ANK3: variants seen among roughly 807,000 people sequenced by gnomAD.
The protein encoded by ANK3 is ankyrin-3.
In ANK3, 57 loss-of-function variants were observed where a neutral mutation model predicts 370.9. That is an observed-to-expected ratio of 0.15 (90% confidence interval 0.12 to 0.19). The LOEUF (loss-of-function observed/expected upper bound fraction) is 0.19, where lower values mean the gene tolerates loss of function less well. Among genes scored for constraint, ANK3 ranks in the 10% least tolerant of loss-of-function variants. The pLI is 1.00. For synonymous variants in ANK3, 1,929 were observed against 1,946.3 expected, an observed-to-expected ratio of 0.99 and a Z score of 0.23; for missense variants, 4,439 against 5,302.1, an observed-to-expected ratio of 0.84 and a Z score of 5.06.
rs182874950 is a variant in ANK3, at chr10:60,592,197, A to G, written c.96+22989T>C. On this transcript the variant is annotated intron_variant, in intron 2 of 43. Coordinates refer to the ANK3 transcript ENST00000373827. The stretch of plus-strand genomic sequence containing the variant: ...AACATCTCATGTACCCCATAAATAT[A>G]TACACCTATTATGTACCCACAAGCT... 1.4e-4 allele frequency among the ~76,000 whole-genome samples: 21 copies of G among 152,282 alleles called. No individual in the cohort carries two copies. The East Asian group carries it at 4.1e-3, about 29-fold the overall frequency.
chr10:60,547,210 C>G (rs1484123286), intron 2 of ANK3, among the ~76,000 whole-genome samples: 2 of 151,176 alleles, frequency 1.3e-5, no homozygotes, highest in African/African-American at 4.9e-5. Flanking sequence ...CCTGCCTCAG[C>G]CTTCTGAGTA....
At chr10:60,234,624 A>G in intron 8 of ANK3, 64 bp downstream of exon 8, 3 of 950,236 alleles carry the variant, frequency 3.2e-6, no homozygotes, top group Non-Finnish European at 3.4e-6. Flanking sequence ...GTGCAAAGGT[A>G]TCAGGAAAAG....
intron 1 of ANK3, among the ~76,000 whole-genome samples, chr10:60,347,626 T>A (rs2055890556): frequency 2.0e-5 from 3 of 152,052 alleles, no homozygotes; most frequent in Admixed American, 2.0e-4. Flanking sequence ...CAATAAATGG[T>A]AATGAATGAA....
chr10:60,215,684 C>T (rs116828743), intron 8 of ANK3, among the ~76,000 whole-genome samples: 3,310 of 151,958 alleles, frequency 0.022, 102 homozygotes, highest in African/African-American at 0.072. Context: ...TCTGAGGTCT[C>T]CGTTCTGCTC....
intron 2 of ANK3, among the ~76,000 whole-genome samples, chr10:60,567,888 T>C (rs927177200): frequency 6.6e-6 from 1 of 152,106 alleles, no homozygotes; most frequent in Non-Finnish European, 1.5e-5. Context: ...GTGGTGGAAA[T>C]AGCAAGAGAG....
chr10:60,124,859 C>T (rs1333852152), intron 25 of ANK3, among the ~76,000 whole-genome samples: 1 of 152,156 alleles, frequency 6.6e-6, no homozygotes, highest in Non-Finnish European at 1.5e-5. Flanking sequence ...CTAGTCTCCT[C>T]GTCTGTAAAG....
chr10:60,373,095 T>C (rs2060324367), intron 1 of ANK3, among the ~76,000 whole-genome samples: 1 of 152,250 alleles, frequency 6.6e-6, no homozygotes. Flanking sequence ...AATATTTTAG[T>C]TACATAACTT....
chr10:60,139,163 T>C (rs2094465846), intron 23 of ANK3, 76 bp from the exon 24 acceptor site: 1 of 1,548,214 alleles, frequency 6.5e-7, no homozygotes, highest in Non-Finnish European at 8.7e-7. Context: ...ATCACTCCTT[T>C]GGTTATCAGC....
In ANK3 at chr10:60,036,400, C is replaced by T. The variant is rs372253959; in HGVS notation, c.*19+6272G>A. Among the ~76,000 whole-genome samples, 51 of 133,110 alleles carry T rather than the reference C, an allele frequency of 3.8e-4. No homozygotes were observed. The East Asian group carries it at 5.9e-3, about 15-fold the overall frequency. 87.3% of individuals were successfully genotyped at this position (133,110 alleles called of 152,430 possible). On this transcript the variant is annotated intron_variant, in intron 43 of 43. Transcript: ENST00000280772. ...AAGGAGGGTCATGGTTGGAGCTCTGCGGAAGAGAGAGGTCAGAGGCAATTT... is the reference window on the plus strand; with the variant it reads ...AAGGAGGGTCATGGTTGGAGCTCTGTGGAAGAGAGAGGTCAGAGGCAATTT...
intron 34 of ANK3, 154 bp downstream of exon 34, chr10:60,082,461 A>C (rs2085507936): frequency 9.6e-7 from 1 of 1,040,344 alleles, no homozygotes; most frequent in Non-Finnish European, 1.4e-6. Context: ...ATTTGACACC[A>C]CATTAACAAG....
At chr10:60,526,713 A>T (rs975661523) in intron 2 of ANK3, among the ~76,000 whole-genome samples, 2 of 152,174 alleles carry the variant, frequency 1.3e-5, no homozygotes, top group Non-Finnish European at 2.9e-5. Context: ...TGGAAAAGAA[A>T]TGAGAGACCC....
intron 2 of ANK3, among the ~76,000 whole-genome samples, chr10:60,500,231 G>A (rs976923940): frequency 1.4e-4 from 21 of 151,934 alleles, no homozygotes; most frequent in Admixed American, 3.9e-4. Flanking sequence ...TCCCCAAATC[G>A]GCCTTACTAA....
At chr10:60,282,351 T>C (rs1399200960) in intron 1 of ANK3, among the ~76,000 whole-genome samples, 1 of 152,214 alleles carries the variant, frequency 6.6e-6, no homozygotes, top group African/African-American at 2.4e-5. Flanking sequence ...CATTTTGCTC[T>C]CAAGTTTCCT....
At chr10:60,316,225 C>T (rs34098396) in intron 1 of ANK3, among the ~76,000 whole-genome samples, 3,625 of 152,192 alleles carry the variant, frequency 0.024, 66 homozygotes, top group Non-Finnish European at 0.036. Flanking sequence ...GCCTGGTGCT[C>T]GCCCTGTGAA....
rs75949141 is a variant in ANK3, at chr10:60,649,158, A to G, written c.58-33934T>C. Among the ~76,000 whole-genome samples the G allele has an allele frequency of 2.0e-3, 306 of 152,294 alleles. 1 individual carries two copies. The highest frequency in any genetic ancestry group is 7.0e-3 in the African/African-American group (290 of 41,564). On this transcript the variant is annotated intron_variant, in intron 1 of 43. Transcript: ENST00000373827. Reference sequence around the variant, plus strand: ...AACATAGCTTCCCAGTTACTAAGAGAGAGCATTTTGCTTCTTGGATTGCCA... The same window carrying G: ...AACATAGCTTCCCAGTTACTAAGAGGGAGCATTTTGCTTCTTGGATTGCCA...
Position 60,065,229 on chromosome 10 carries a change from CAG to C in ANK3, c.12320-943_12320-942del, listed in dbSNP as rs1189260927. On this transcript the variant is annotated intron_variant, in intron 38 of 43. Transcript: ENST00000280772. ...TACTCATATTCAATCTTGTAAATTGCAGAGTGTCTTTGGAAAGATACATATGA... is the reference window on the plus strand; with the variant it reads ...TACTCATATTCAATCTTGTAAATTGCAGTGTCTTTGGAAAGATACATATGA... 7.2e-5 allele frequency among the ~76,000 whole-genome samples: 11 copies of C among 152,196 alleles called. 1 individual carries two copies. Among genetic ancestry groups the C allele is most frequent in the Admixed American group, 7.2e-4 (11 of 15,286 alleles).
chr10:60,573,745 A>C (rs180900944), intron 2 of ANK3, among the ~76,000 whole-genome samples: 1 of 152,346 alleles, frequency 6.6e-6, no homozygotes, highest in African/African-American at 2.4e-5. Context: ...TTCTAGGAGC[A>C]ACCACAGACA....
intron 2 of ANK3, among the ~76,000 whole-genome samples, chr10:60,577,958 C>T (rs1179411306): frequency 6.6e-5 from 10 of 152,104 alleles, no homozygotes; most frequent in Non-Finnish European, 1.3e-4. Context: ...TCCAACCCAT[C>T]CTCAAATATC....
chr10:60,243,419 C>A lies in ANK3; in HGVS notation c.799-8633G>T, dbSNP rs375414915. On this transcript the variant is annotated intron_variant, in intron 7 of 43. Coordinates refer to ENST00000280772, the MANE Select transcript of ANK3 (RefSeq NM_020987.5). ...GGCTTTATAAGAAGAGGAGAAAGAC[C>A]TGAACTGGACATGCATACTCTTGTT... Among the ~76,000 whole-genome samples the A allele has an allele frequency of 5.6e-4, 86 of 152,292 alleles. 1 individual carries two copies. The South Asian group carries it at 0.018, about 31-fold the overall frequency.
Sources: gnomAD v4.1 joint callset for allele counts (sites outside exome capture counted in the v4.1 genomes callset) on GRCh38, gnomAD v4.1.1 for gene constraint, MANE v1.5 for transcripts, NCBI Gene and HGNC (gene_info 2026-07-23, HGNC 2026-07-21) for gene names.